Variants in WDR7 observed in about 807,000 individuals in gnomAD.
WDR7 encodes the protein WD repeat-containing protein 7.
A neutral mutation model predicts 169.4 loss-of-function variants in WDR7; 46 were observed. The ratio of observed to expected loss-of-function variants is 0.27; its 90% CI spans 0.21 to 0.35. The LOEUF is 0.35. Among genes scored for constraint, WDR7 ranks in the 10% least tolerant of loss-of-function variants. The pLI is 1.00. For missense variants in WDR7, 1,534 were observed against 1,859.3 expected, an observed-to-expected ratio of 0.83 and a Z score of 3.22; for synonymous variants, 612 against 666.8, an observed-to-expected ratio of 0.92 and a Z score of 1.27.
chr18:56,967,875 T>G (rs1250590535), intron 26 of WDR7, among the ~76,000 whole-genome samples: 1 of 152,202 alleles, frequency 6.6e-6, no homozygotes, highest in Non-Finnish European at 1.5e-5. Context: ...TAATACTATG[T>G]AAATGTTATA....
At chr18:56,837,512 G>A (rs1366237326) in intron 20 of WDR7, among the ~76,000 whole-genome samples, 1 of 152,002 alleles carries the variant, frequency 6.6e-6, no homozygotes, top group African/African-American at 2.4e-5. Flanking sequence ...ATGCCACTTT[G>A]TCAAATCATT....
intron 22 of WDR7, among the ~76,000 whole-genome samples, chr18:56,935,236 T>C (rs2145686352): frequency 6.6e-6 from 1 of 152,316 alleles, no homozygotes; most frequent in South Asian, 2.1e-4. Flanking sequence ...TGCTGTTTAG[T>C]AGATTGGTTC....
chr18:56,963,002 A>G (rs1465811546), intron 26 of WDR7, among the ~76,000 whole-genome samples: 1 of 152,176 alleles, frequency 6.6e-6, no homozygotes, highest in Non-Finnish European at 1.5e-5. Context: ...AAAAGGAAAT[A>G]CATGCTGTAC....
At position 56,870,308 on chromosome 18, in the gene WDR7, A is replaced by G. The variant is rs147856092; in HGVS notation, c.3305-9636A>G. Among the ~76,000 whole-genome samples, 75 of 152,272 alleles carry G rather than the reference A, an allele frequency of 4.9e-4. 1 individual carries two copies. In the East Asian group the frequency reaches 0.013, roughly 27 times the overall value. ...TTGTACTTTATCCCTACTTTAAGCA[A>G]CCCTAAGAATAACAAGTAGGTATGG... is the stretch of plus-strand genomic sequence containing the variant. On this transcript the variant is annotated intron_variant, in intron 20 of 27. Coordinates refer to ENST00000254442, the MANE Select transcript of WDR7 (RefSeq NM_015285.3).
In WDR7 at chr18:56,878,305, G is replaced by A. The variant is rs187470170; in HGVS notation, c.3305-1639G>A. On this transcript the variant is annotated intron_variant, in intron 20 of 27. Coordinates refer to ENST00000254442, the MANE Select transcript of WDR7 (RefSeq NM_015285.3). ...ATATCTGATTGCTGTTTTGCATTCT[G>A]TGCCATACTGGATGAAATAATCATC... 1.4e-3 allele frequency among the ~76,000 whole-genome samples: 211 copies of A among 152,124 alleles called. 1 individual carries two copies. Among genetic ancestry groups the A allele is most frequent in the African/African-American group, 4.9e-3 (204 of 41,496 alleles).
At chr18:56,938,415 C>A in intron 23 of WDR7, 118 bp from the exon 24 acceptor site, 1 of 1,284,454 alleles carries the variant, frequency 7.8e-7, no homozygotes, top group Non-Finnish European at 1.0e-6. Context: ...TATTTTCTGA[C>A]TCACCCACAA....
At chr18:56,833,953 C>G (rs2045356464) in intron 20 of WDR7, among the ~76,000 whole-genome samples, 1 of 152,182 alleles carries the variant, frequency 6.6e-6, no homozygotes, top group African/African-American at 2.4e-5. Context: ...TTAGCTATGT[C>G]CTCTGCTCTA....
intron 27 of WDR7, 91 bp downstream of exon 27, chr18:57,020,940 C>T: frequency 9.2e-7 from 1 of 1,089,176 alleles, no homozygotes; most frequent in Middle Eastern, 2.0e-4. Flanking sequence ...TGCCGGCCCT[C>T]CTTCCTGTCC....
intron 12 of WDR7, among the ~76,000 whole-genome samples, chr18:56,706,460 AG>A (rs2025957351): frequency 6.6e-6 from 1 of 152,184 alleles, no homozygotes; most frequent in Admixed American, 6.5e-5. Context: ...TGGCATTAGC[AG>A]GTTACTTAAC....
intron 20 of WDR7, among the ~76,000 whole-genome samples, chr18:56,838,502 A>C (rs181862959): frequency 7.2e-4 from 109 of 152,330 alleles, no homozygotes; most frequent in Non-Finnish European, 1.4e-3. Flanking sequence ...CTAAATTTGT[A>C]CATTTTATAT....
At chr18:56,817,907 G>A (rs2045009837) in intron 20 of WDR7, among the ~76,000 whole-genome samples, 1 of 151,982 alleles carries the variant, frequency 6.6e-6, no homozygotes, top group Admixed American at 6.6e-5. Context: ...ACCACGCCCA[G>A]CTAATTTTTG....
At chr18:56,715,125 G>A (rs1041159209) in intron 12 of WDR7, among the ~76,000 whole-genome samples, 4 of 152,266 alleles carry the variant, frequency 2.6e-5, no homozygotes, top group African/African-American at 9.6e-5. Flanking sequence ...TGATAATGCG[G>A]AAGGTCAAGT....
chr18:56,736,881 G>T lies in WDR7; in HGVS notation c.1989+5284G>T, dbSNP rs562983883. Among the ~76,000 whole-genome samples the T allele has an allele frequency of 2.6e-5, 4 of 152,244 alleles. No homozygotes were observed. The East Asian group carries it at 7.7e-4, about 29-fold the overall frequency. Reference sequence around the variant, plus strand: ...GATCACTGAGCATTTATGTTGGTGGGAGGATAACAGGTGGGACAATGCAGG... The same window carrying T: ...GATCACTGAGCATTTATGTTGGTGGTAGGATAACAGGTGGGACAATGCAGG... On this transcript the variant is annotated intron_variant, in intron 14 of 27. Transcript: ENST00000254442.
intron 15 of WDR7, among the ~76,000 whole-genome samples, chr18:56,758,109 A>T (rs554953182): frequency 6.2e-4 from 95 of 152,370 alleles, no homozygotes; most frequent in Admixed American, 1.4e-3. Flanking sequence ...AAAACTATTT[A>T]AAATGCAGGA....
chr18:56,739,875 GA>G (rs1326872559), intron 14 of WDR7, among the ~76,000 whole-genome samples: 8 of 111,588 alleles, frequency 7.2e-5, no homozygotes, highest in African/African-American at 2.0e-4. Context: ...ACCTAGATGT[GA>G]TTTTTTTTTT....
chr18:56,703,077 C>T (rs539588642), intron 12 of WDR7, among the ~76,000 whole-genome samples: 140 of 152,212 alleles, frequency 9.2e-4, no homozygotes, highest in Middle Eastern at 3.4e-3. Context: ...CTTTTGGTCA[C>T]GTAATCTCCA....
At chr18:56,875,913 T>A (rs1263347873) in intron 20 of WDR7, among the ~76,000 whole-genome samples, 2 of 152,160 alleles carry the variant, frequency 1.3e-5, no homozygotes, top group Non-Finnish European at 2.9e-5. Context: ...ATTGTGTGAG[T>A]CTTCTTTTGG....
chr18:56,932,903 GTGTCTA>G (rs1278363412), intron 22 of WDR7, among the ~76,000 whole-genome samples: 1 of 150,358 alleles, frequency 6.7e-6, no homozygotes, highest in East Asian at 2.0e-4. Flanking sequence ...GTGTGTGTGT[GTGTCTA>G]TCTGTCTGTC....
At chr18:56,856,995 CTTCT>C (rs2045731024) in intron 20 of WDR7, among the ~76,000 whole-genome samples, 1 of 152,066 alleles carries the variant, frequency 6.6e-6, no homozygotes. Context: ...GCTTTGATTC[CTTCT>C]AATTTCCTGT....
Sources: allele counts gnomAD v4.1 joint callset (sites outside exome capture counted in the v4.1 genomes callset), GRCh38; gene constraint gnomAD v4.1.1; transcripts MANE v1.5; gene names NCBI Gene and HGNC (gene_info 2026-07-23, HGNC 2026-07-21).